Variants in DGKI observed in about 807,000 individuals in gnomAD.
DGKI encodes the protein diacylglycerol kinase iota.
Under a neutral mutation model 147.5 loss-of-function variants are expected in DGKI, and 55 were observed. That is an observed-to-expected ratio of 0.37 (90% CI 0.30 to 0.47). The LOEUF is 0.47. Ranked by LOEUF, DGKI falls within the 20% of genes least tolerant of loss-of-function variation. The probability of loss-of-function intolerance (pLI) is 1.00; values close to 1 mark genes in which losing one functional copy is unlikely to be tolerated. For missense variants in DGKI, 1,007 were observed against 1,323.8 expected (o/e 0.76, Z 3.71); for synonymous variants, 469 against 477.1 (o/e 0.98, Z 0.22).
chr7:137,544,973 G>A (rs565553498), intron 20 of DGKI, among the ~76,000 whole-genome samples: 57 of 152,264 alleles, frequency 3.7e-4, no homozygotes, highest in African/African-American at 1.3e-3. Flanking sequence ...TCATTCAAGT[G>A]GGCCTTGAGA....
intron 19 of DGKI, among the ~76,000 whole-genome samples, chr7:137,555,357 C>G (rs1818189457): frequency 6.6e-6 from 1 of 151,922 alleles, no homozygotes; most frequent in Non-Finnish European, 1.5e-5. Flanking sequence ...CAGACTCCAT[C>G]TCTACAAAAA....
intron 28 of DGKI, among the ~76,000 whole-genome samples, chr7:137,416,029 C>T (rs1431682600): frequency 6.6e-6 from 1 of 151,620 alleles, no homozygotes; most frequent in African/African-American, 2.4e-5. Context: ...AACAAAATAG[C>T]CTATGTTCTC....
rs1811232769 is a variant in DGKI at position 137,388,108 on chromosome 7, T to C, written c.*3112A>G. ...TTCAAAACTTGCACTGGTTTTTGGT[T>C]ATCACATCTACAGAGGAAACATAAG... On this transcript the variant is annotated 3_prime_UTR_variant, in exon 33 of 33. Coordinates refer to ENST00000614521, the MANE Select transcript of DGKI (RefSeq NM_001321708.2). 1 of 152,202 alleles carries C rather than the reference T, an allele frequency of 6.6e-6. No individual in the cohort carries two copies. The highest frequency in any genetic ancestry group is 1.5e-5 in the Non-Finnish European group (1 of 68,044). The allele number at this position is 152,202 out of a possible 1,614,324, so 9.4% of individuals were successfully genotyped here.
At chr7:137,578,191 T>C (rs1819054359) in intron 16 of DGKI, 79 bp downstream of exon 16, 2 of 952,054 alleles carry the variant, frequency 2.1e-6, no homozygotes, top group Middle Eastern at 2.5e-4. Flanking sequence ...TTATTTCTCA[T>C]GTAGTTTGCA....
chr7:137,713,784 G>C (rs1794286850), intron 1 of DGKI, among the ~76,000 whole-genome samples: 1 of 152,090 alleles, frequency 6.6e-6, no homozygotes, highest in Non-Finnish European at 1.5e-5. Flanking sequence ...TAGGACTACA[G>C]GCATACATCA....
At chr7:137,638,237 G>C (rs1385927226) in intron 6 of DGKI, among the ~76,000 whole-genome samples, 1 of 151,436 alleles carries the variant, frequency 6.6e-6, no homozygotes, top group African/African-American at 2.4e-5. Flanking sequence ...GTGGCTCTCT[G>C]GACCTTTCTG....
chr7:137,588,714 G>T (rs1480831407), intron 12 of DGKI, among the ~76,000 whole-genome samples: 1 of 152,094 alleles, frequency 6.6e-6, no homozygotes, highest in Non-Finnish European at 1.5e-5. Flanking sequence ...CTGACCTTGT[G>T]ATCTGCCCAC....
chr7:137,836,215 C>G (rs141382817), intron 1 of DGKI, among the ~76,000 whole-genome samples: 1 of 152,252 alleles, frequency 6.6e-6, no homozygotes, highest in Non-Finnish European at 1.5e-5. Flanking sequence ...CTTTAAATAG[C>G]TTGGGCATTT....
intron 1 of DGKI, among the ~76,000 whole-genome samples, chr7:137,724,472 G>A (rs1050428327): frequency 6.6e-6 from 1 of 152,210 alleles, no homozygotes; most frequent in Admixed American, 6.5e-5. Context: ...GAAAGTGATG[G>A]CTTGGATTGG....
intron 1 of DGKI, among the ~76,000 whole-genome samples, chr7:137,789,934 GTTCTT>G (rs1370163549): frequency 1.3e-5 from 2 of 152,090 alleles, no homozygotes; most frequent in Non-Finnish European, 2.9e-5. Context: ...TTCATGCTCT[GTTCTT>G]TTCAAGAATT....
chr7:137,504,580 A>G (rs186100112), intron 21 of DGKI, among the ~76,000 whole-genome samples: 5 of 152,328 alleles, frequency 3.3e-5, no homozygotes, highest in Non-Finnish European at 4.4e-5. Context: ...ATCAAAATAT[A>G]GTCATCTTAG....
At chr7:137,678,754 G>A (rs1823127685) in intron 2 of DGKI, 102 bp from the exon 3 acceptor site, 3 of 1,027,544 alleles carry the variant, frequency 2.9e-6, no homozygotes, top group Non-Finnish European at 4.5e-6. Flanking sequence ...GTGAAACCAA[G>A]GAGTCTAAAC....
chr7:137,482,629 C>A (rs1265425539), intron 23 of DGKI, among the ~76,000 whole-genome samples: 1 of 151,996 alleles, frequency 6.6e-6, no homozygotes, highest in Non-Finnish European at 1.5e-5. Flanking sequence ...CTCATTCCTC[C>A]TTTGATGATC....
chr7:137,571,138 A>C, intron 19 of DGKI, 37 bp downstream of exon 19: 1 of 1,475,122 alleles, frequency 6.8e-7, no homozygotes, highest in Non-Finnish European at 9.2e-7. Context: ...TGTGACTAAA[A>C]TACATTTCAT....
At position 137,469,824 on chromosome 7, in the gene DGKI, C is replaced by T. The variant is rs148747163; in HGVS notation, c.2374-205G>A. On this transcript the variant is annotated intron_variant, in intron 23 of 32. Transcript: ENST00000614521. ...GAAAATGACTCCCTCATAAAATTAG[C>T]ATGAGGTTTTTAATTATTCCATTAA... Among the ~76,000 whole-genome samples the T allele has an allele frequency of 6.8e-3, 1,030 of 152,246 alleles. 27 individuals are homozygous for T. Among genetic ancestry groups the T allele is most frequent in the East Asian group, 0.064 (334 of 5,186 alleles).
intron 21 of DGKI, among the ~76,000 whole-genome samples, chr7:137,498,082 A>G (rs1405577550): frequency 6.6e-6 from 1 of 152,100 alleles, no homozygotes; most frequent in Non-Finnish European, 1.5e-5. Flanking sequence ...AAATTATAAT[A>G]TTAAATGATA....
chr7:137,469,716 G>A lies in DGKI; in HGVS notation c.2374-97C>T, dbSNP rs1814807175. 11 of 1,022,198 alleles carry A rather than the reference G, an allele frequency of 1.1e-5. 1 individual carries two copies. In the South Asian group the frequency reaches 1.9e-4, roughly 18 times the overall value. The allele number at this position is 1,022,198 out of a possible 1,614,324, so 63.3% of individuals were successfully genotyped here. A position where few individuals can be genotyped will look rare whatever the true frequency, so the allele number is the denominator to read the frequency against. On this transcript the variant is annotated intron_variant, in intron 23 of 32. Coordinates refer to ENST00000614521, the MANE Select transcript of DGKI (RefSeq NM_001321708.2). The stretch of plus-strand genomic sequence containing the variant: ...GCCATCCTTTCCTACACAAAGCACT[G>A]GTGAGAAGAGCAAATCACATTTTTT...
At chr7:137,730,655 T>A (rs568504665) in intron 1 of DGKI, among the ~76,000 whole-genome samples, 1 of 152,246 alleles carries the variant, frequency 6.6e-6, no homozygotes, top group South Asian at 2.1e-4. Context: ...TAAAGCACAC[T>A]GTTTTACATA....
chr7:137,445,790 T>C (rs1306088664), intron 27 of DGKI, among the ~76,000 whole-genome samples: 3 of 152,060 alleles, frequency 2.0e-5, no homozygotes, highest in Non-Finnish European at 4.4e-5. Context: ...AAGCTCCAAT[T>C]GGTTATAATG....
Sources: allele counts gnomAD v4.1 joint callset (sites outside exome capture counted in the v4.1 genomes callset), GRCh38; gene constraint gnomAD v4.1.1; transcripts MANE v1.5; gene names NCBI Gene and HGNC (gene_info 2026-07-23, HGNC 2026-07-21).